The following NRP1 variants were observed in gnomAD, a reference collection of about 807,000 sequenced individuals.
NRP1 encodes neuropilin-1.
A neutral mutation model predicts 106.7 loss-of-function variants in NRP1; 35 were observed. That is an observed-to-expected ratio of 0.33 (90% CI 0.25 to 0.43). The LOEUF (loss-of-function observed/expected upper bound fraction) is 0.43. Among genes scored for constraint, NRP1 ranks in the 20% least tolerant of loss-of-function variants. The pLI is 1.00. For missense variants in NRP1, 1,024 were observed against 1,170.4 expected (o/e 0.87, Z 1.83); for synonymous variants, 437 against 417.9 (o/e 1.05, Z -0.56).
intron 6 of NRP1, among the ~76,000 whole-genome samples, chr10:33,233,640 G>C (rs946935484): frequency 1.3e-5 from 2 of 152,152 alleles, no homozygotes; most frequent in African/African-American, 4.8e-5. Flanking sequence ...TGCCCATTGA[G>C]CTAGCATTGG....
At chr10:33,243,912 G>A (rs116601543) in intron 6 of NRP1, among the ~76,000 whole-genome samples, 1,978 of 151,230 alleles carry the variant, frequency 0.013, 53 homozygotes, top group African/African-American at 0.046. Context: ...GAGAAGGAGA[G>A]TGGAGAAGGA....
intron 2 of NRP1, among the ~76,000 whole-genome samples, chr10:33,294,637 C>A (rs567274925): frequency 2.3e-5 from 3 of 131,324 alleles, no homozygotes; most frequent in East Asian, 4.9e-4. Flanking sequence ...AAAAAAAAAT[C>A]TATGTCCTAA....
chr10:33,225,954 C>T (rs180850219), intron 7 of NRP1, among the ~76,000 whole-genome samples, 180 bp downstream of exon 7: 325 of 152,282 alleles, frequency 2.1e-3, no homozygotes, highest in African/African-American at 3.3e-3. Flanking sequence ...AATTTCCTCC[C>T]GGCTTCTGGA....
chr10:33,217,546 G>C (rs756778129), intron 8 of NRP1, among the ~76,000 whole-genome samples: 1 of 152,114 alleles, frequency 6.6e-6, no homozygotes, highest in Non-Finnish European at 1.5e-5. Flanking sequence ...AGGTCAGCCC[G>C]GTGCAGGTCA....
chr10:33,311,116 G>A (rs1846579316), intron 2 of NRP1, among the ~76,000 whole-genome samples: 1 of 152,152 alleles, frequency 6.6e-6, no homozygotes. Flanking sequence ...GCTAGCAGAG[G>A]GTGTCTAACA....
At chr10:33,237,576 C>CTTT (rs36019831) in intron 6 of NRP1, among the ~76,000 whole-genome samples, 8,330 of 99,826 alleles carry the variant, frequency 0.083, 686 homozygotes, top group Non-Finnish European at 0.12. Context: ...TTTCCTTCTT[C>CTTT]TTTTTTTTTT....
chr10:33,206,203 A>T (rs770885326), intron 10 of NRP1: 3 of 518,816 alleles, frequency 5.8e-6, no homozygotes, highest in Non-Finnish European at 1.2e-5. Context: ...ATTCGCATCC[A>T]GGGAGCAGAC....
chr10:33,254,831 A>G (rs1348766492), intron 5 of NRP1, among the ~76,000 whole-genome samples: 6 of 152,214 alleles, frequency 3.9e-5, no homozygotes, highest in East Asian at 1.9e-4. Flanking sequence ...ACAGTTTTAG[A>G]GCATAAAATC....
rs572724305 is a variant in NRP1 at position 33,330,973 on chromosome 10, C to T, written c.74-91G>A. ...GTAAATTACTGGTTATTAAACATTCCTTAACTTTTTAAGGGGAACTCTAAA... is the reference window on the plus strand; with the variant it reads ...GTAAATTACTGGTTATTAAACATTCTTTAACTTTTTAAGGGGAACTCTAAA... On this transcript the variant is annotated intron_variant, in intron 1 of 16. Coordinates refer to ENST00000374867, the MANE Select transcript of NRP1 (RefSeq NM_003873.7). 5.5e-5 allele frequency: 65 copies of T among 1,187,860 alleles called. No individual in the cohort carries two copies. The South Asian group carries it at 9.7e-4, about 18-fold the overall frequency. The allele number at this position is 1,187,860 out of a possible 1,614,324, so 73.6% of individuals were successfully genotyped here. A position where few individuals can be genotyped will look rare whatever the true frequency, so the allele number is the denominator to read the frequency against.
intron 7 of NRP1, among the ~76,000 whole-genome samples, chr10:33,222,237 C>G (rs888791749): frequency 6.6e-6 from 1 of 152,142 alleles, no homozygotes; most frequent in South Asian, 2.1e-4. Context: ...TCCCAAGAAT[C>G]CCCAGAAGGG....
At chr10:33,301,269 A>C (rs144819419) in intron 2 of NRP1, among the ~76,000 whole-genome samples, 30 of 152,176 alleles carry the variant, frequency 2.0e-4, no homozygotes, top group Middle Eastern at 3.4e-3. Flanking sequence ...TACATTCAGG[A>C]TTTTCTCTTT....
At chr10:33,247,257 T>G (rs1016544819) in intron 6 of NRP1, among the ~76,000 whole-genome samples, 3 of 152,218 alleles carry the variant, frequency 2.0e-5, no homozygotes, top group African/African-American at 7.2e-5. Context: ...CTACCATTTT[T>G]CAGAGGAAAT....
At chr10:33,203,502 A>ATTT (rs1564377304) in intron 10 of NRP1, among the ~76,000 whole-genome samples, 90 of 151,870 alleles carry the variant, frequency 5.9e-4, no homozygotes, top group Admixed American at 4.4e-3. Context: ...TGTTTTTTTA[A>ATTT]AAAAAAACAA....
chr10:33,294,893 C>T (rs970365344), intron 2 of NRP1, among the ~76,000 whole-genome samples: 1 of 152,104 alleles, frequency 6.6e-6, no homozygotes, highest in Non-Finnish European at 1.5e-5. Flanking sequence ...AACAGTTATG[C>T]TGTGTTTGGG....
intron 8 of NRP1, 85 bp from the exon 9 acceptor site, chr10:33,213,802 A>C: frequency 9.4e-7 from 1 of 1,061,442 alleles, no homozygotes; most frequent in Non-Finnish European, 1.4e-6. Flanking sequence ...TATGGAATAA[A>C]GACATGATTT....
chr10:33,320,488 G>C (rs2804494), intron 2 of NRP1, among the ~76,000 whole-genome samples: 114,627 of 151,966 alleles, frequency 0.75, 44,986 homozygotes, highest in East Asian at 0.89. Flanking sequence ...GGACATGCAG[G>C]CACCCACTCC....
chr10:33,201,802 A>AT (rs963656543), intron 11 of NRP1: 5 of 152,048 alleles, frequency 3.3e-5, no homozygotes, highest in Admixed American at 6.6e-5. Flanking sequence ...TCTGGGACAG[A>AT]TTTTCAATTT....
At chr10:33,192,751 GTATTTAA>G (rs940604945) in intron 12 of NRP1, among the ~76,000 whole-genome samples, 59 of 152,276 alleles carry the variant, frequency 3.9e-4, no homozygotes, top group African/African-American at 1.3e-3. Context: ...CATTTCCACA[GTATTTAA>G]TATGAAAGCC....
chr10:33,214,997 C>G (rs769395802), intron 8 of NRP1, among the ~76,000 whole-genome samples: 1 of 152,158 alleles, frequency 6.6e-6, no homozygotes, highest in Non-Finnish European at 1.5e-5. Flanking sequence ...ATTGTTAAAG[C>G]GGTAAATTTT....
Sources: gnomAD v4.1 joint callset for allele counts (sites outside exome capture counted in the v4.1 genomes callset) on GRCh38, gnomAD v4.1.1 for gene constraint, MANE v1.5 for transcripts, NCBI Gene and HGNC (gene_info 2026-07-23, HGNC 2026-07-21) for gene names.